The following PDAP1 variants were observed in gnomAD, a reference collection of about 807,000 sequenced individuals.
PDAP1 encodes 28 kDa heat- and acid-stable phosphoprotein.
Under a neutral mutation model 28.0 loss-of-function variants are expected in PDAP1, and 13 were observed. The ratio of observed to expected loss-of-function variants is 0.46; its 90% CI spans 0.30 to 0.74. The LOEUF is 0.74. Ranked by LOEUF, PDAP1 falls within the 30% of genes least tolerant of loss-of-function variation. The pLI is 0.07. For missense variants in PDAP1, 150 were observed against 230.0 expected (o/e 0.65, Z 2.25); for synonymous variants, 77 against 85.1 (o/e 0.91, Z 0.52).
chr7:99,397,983 C>T lies in PDAP1; in HGVS notation c.366G>A (p.Glu122=), dbSNP rs1162294443. The T allele has an allele frequency of 2.5e-6, 4 of 1,614,266 alleles. No individual in the cohort carries two copies. In the African/African-American group the frequency reaches 4.0e-5, roughly 16 times the overall value. Residue 122 remains glutamate (E), a synonymous_variant, in exon 5 of 6, where the codon GAG becomes GAA. Coordinates refer to ENST00000350498, the MANE Select transcript of PDAP1 (RefSeq NM_014891.7). Reference sequence around the variant, plus strand: ...CGGCCAAGTGCATTTTCATGTAACGCTCTTTTGCCTTCTGCTTCTCAATCT... The same window carrying T: ...CGGCCAAGTGCATTTTCATGTAACGTTCTTTTGCCTTCTGCTTCTCAATCT... ...REEIEKQKAK[E]RYMKMHLAGK...
intron 3 of PDAP1, among the ~76,000 whole-genome samples, chr7:99,400,797 G>A (rs143740352): frequency 2.0e-5 from 3 of 152,248 alleles, no homozygotes; most frequent in East Asian, 1.9e-4. Flanking sequence ...TGCAAAAAGC[G>A]CTGGGCTGGA....
Position 99,408,564 on chromosome 7 carries a change from T to TGCGGCG in PDAP1, c.-22_-17dup, listed in dbSNP as rs753335575. 1.1e-4 allele frequency: 133 copies of TGCGGCG among 1,264,602 alleles called. No homozygotes were observed. Among genetic ancestry groups the TGCGGCG allele is most frequent in the Middle Eastern group, 2.1e-4 (1 of 4,782 alleles). The allele number at this position is 1,264,602 out of a possible 1,614,324, so 78.3% of individuals were successfully genotyped here. A position where few individuals can be genotyped will look rare whatever the true frequency, so the allele number is the denominator to read the frequency against. ...CTTTAGGCATTGCGGCTCCGGCGGC[T>TGCGGCG]GCGGCGGCGGCGGCGGCGCCTCGAA... On this transcript the variant is annotated 5_prime_UTR_variant, in exon 1 of 6. Transcript: ENST00000350498.
At position 99,408,558 on chromosome 7, in the gene PDAP1, G is replaced by GGCGGCT. The variant is rs1554353102; in HGVS notation, c.-16_-11dup. The GGCGGCT allele has an allele frequency of 1.6e-6, 2 of 1,273,852 alleles. No homozygotes were observed. The highest frequency in any genetic ancestry group is 2.0e-6 in the Non-Finnish European group (2 of 1,007,872). The allele number at this position is 1,273,852 out of a possible 1,614,324, so 78.9% of individuals were successfully genotyped here. A position where few individuals can be genotyped will look rare whatever the true frequency, so the allele number is the denominator to read the frequency against. On this transcript the variant is annotated 5_prime_UTR_variant, in exon 1 of 6. Transcript: ENST00000350498. ...CACCTCCTTTAGGCATTGCGGCTCC[G>GGCGGCT]GCGGCTGCGGCGGCGGCGGCGGCGC...
chr7:99,402,052 G>A (rs1232551155), intron 3 of PDAP1, among the ~76,000 whole-genome samples: 4 of 151,724 alleles, frequency 2.6e-5, no homozygotes, highest in African/African-American at 4.8e-5. Flanking sequence ...GGCAGATCAC[G>A]AGGTCAGGAG....
intron 1 of PDAP1, among the ~76,000 whole-genome samples, chr7:99,407,557 A>G (rs1408812802): frequency 6.6e-6 from 1 of 152,204 alleles, no homozygotes; most frequent in Non-Finnish European, 1.5e-5. Context: ...AACCAATATA[A>G]CACATGAGCT....
intron 5 of PDAP1, 143 bp downstream of exon 5, chr7:99,397,719 G>A: frequency 2.2e-6 from 2 of 900,586 alleles, no homozygotes; most frequent in South Asian, 1.7e-5. Context: ...CAGGGAGGGT[G>A]GCCCTCTCCT....
chr7:99,400,552 G>T, intron 3 of PDAP1, 128 bp from the exon 4 acceptor site: 1 of 1,029,974 alleles, frequency 9.7e-7, no homozygotes, highest in Non-Finnish European at 1.4e-6. Flanking sequence ...CCCACGTAGT[G>T]CTCAGCCCAA....
At chr7:99,405,963 C>T (rs554726721) in intron 1 of PDAP1, among the ~76,000 whole-genome samples, 9 of 152,276 alleles carry the variant, frequency 5.9e-5, no homozygotes, top group South Asian at 2.1e-4. Flanking sequence ...CAAAAATGTT[C>T]GCTAATATCC....
At position 99,396,337 on chromosome 7, in the gene PDAP1, A is replaced by G. The variant is rs555704892; in HGVS notation, c.*345T>C. 20 of 365,878 alleles carry G rather than the reference A, an allele frequency of 5.5e-5. No homozygotes were observed. The Admixed American group carries it at 7.7e-4, about 14-fold the overall frequency. The allele number at this position is 365,878 out of a possible 1,614,324, so 22.7% of individuals were successfully genotyped here. On this transcript the variant is annotated 3_prime_UTR_variant, in exon 6 of 6. Transcript: ENST00000350498. The stretch of plus-strand genomic sequence containing the variant: ...CCTCCTGGGACAACCACCCCCTTAC[A>G]TGCTATCTATCTACCAGACAAATGA...
chr7:99,398,084 A>G, intron 4 of PDAP1, 71 bp from the exon 5 acceptor site: 1 of 1,573,342 alleles, frequency 6.4e-7, no homozygotes, highest in Non-Finnish European at 8.7e-7. Context: ...GGGAGTCAGA[A>G]TAAAGGCCAA....
Position 99,396,710 on chromosome 7 carries a change from C to A in PDAP1, c.518G>T (p.Arg173Leu). The change falls in exon 6 of 6, where the codon CGA (arginine) becomes CTA (leucine). Residue 173 changes from arginine (R) to leucine (L), a missense_variant. Arg to Leu is a moderately radical substitution (Grantham distance 102). Transcript: ENST00000350498. Reference protein sequence around the residue: ...AKDDATLSGKRMQSLSLNK With the variant: ...AKDDATLSGKLMQSLSLNK ...CTTATTCAGGGAGAGTGACTGCATT[C>A]GTTTTCCTGACAATGTGGCATCGTC... 6.2e-7 allele frequency: 1 copy of A among 1,611,984 alleles called. No individual in the cohort carries two copies. Among genetic ancestry groups the A allele is most frequent in the Non-Finnish European group, 8.5e-7 (1 of 1,179,734 alleles).
chr7:99,403,617 C>A, intron 2 of PDAP1, 112 bp from the exon 3 acceptor site: 1 of 794,544 alleles, frequency 1.3e-6, no homozygotes, highest in East Asian at 2.5e-5. Context: ...CTCTGGAAGG[C>A]TGGAACCAAG....
At chr7:99,407,382 G>C (rs1451098836) in intron 1 of PDAP1, among the ~76,000 whole-genome samples, 1 of 152,164 alleles carries the variant, frequency 6.6e-6, no homozygotes, top group Non-Finnish European at 1.5e-5. Flanking sequence ...ACAGATGAAG[G>C]GACTGGGGAA....
intron 4 of PDAP1, among the ~76,000 whole-genome samples, chr7:99,399,505 T>C (rs984320608): frequency 2.0e-5 from 3 of 152,158 alleles, no homozygotes; most frequent in Non-Finnish European, 2.9e-5. Context: ...CAGCTGCCAA[T>C]GGCAGAATAC....
At chr7:99,404,174 T>C (rs1424826688) in intron 2 of PDAP1, among the ~76,000 whole-genome samples, 1 of 152,170 alleles carries the variant, frequency 6.6e-6, no homozygotes, top group Non-Finnish European at 1.5e-5. Context: ...CACAGCTGGA[T>C]GTGGCCTTTC....
intron 3 of PDAP1, 102 bp downstream of exon 3, chr7:99,403,296 C>T (rs959259833): frequency 6.9e-6 from 5 of 722,724 alleles, no homozygotes; most frequent in Non-Finnish European, 1.3e-5. Context: ...AGAGCAAGGA[C>T]GTTGTCTGCA....
rs772854465 is a variant in PDAP1, at chr7:99,403,493, GCTC to G, written c.115_117del (p.Glu39del). ...GCAGCCCCATCTCCACCTTCTTTTT[GCTC>G]CTCTTCTTCCTGTTTCAGAAATGGA... is the stretch of plus-strand genomic sequence containing the variant. On this transcript the variant is annotated inframe_deletion, in exon 3 of 6. Transcript: ENST00000350498. The G allele has an allele frequency of 1.2e-6, 2 of 1,608,154 alleles. No individual in the cohort carries two copies. The highest frequency in any genetic ancestry group is 1.7e-6 in the Non-Finnish European group (2 of 1,174,836).
chr7:99,396,735 C>T lies in PDAP1; in HGVS notation c.493G>A (p.Asp165Asn). ...CGTTTTCCTGACAATGTGGCATCGT[C>T]TTTTGCTGAGGGGTGGGAGAAGGGC... The part of the protein sequence containing the change: ...RKKEEERKAK[D>N]DATLSGKRMQ... The change falls in exon 6 of 6, where the codon GAC (aspartate) becomes AAC (asparagine). Residue 165 changes from aspartate to asparagine, a missense_variant. Transcript: ENST00000350498. 1 of 1,611,402 alleles carries T rather than the reference C, an allele frequency of 6.2e-7. No individual in the cohort carries two copies.
At chr7:99,400,263 C>T (rs762730325) in intron 4 of PDAP1, 40 bp downstream of exon 4, 14 of 1,610,634 alleles carry the variant, frequency 8.7e-6, no homozygotes, top group Admixed American at 3.3e-5. Flanking sequence ...AACTGCTGGC[C>T]TGTATTCCCC....
Sources: gnomAD v4.1 joint callset for allele counts (sites outside exome capture counted in the v4.1 genomes callset) on GRCh38, gnomAD v4.1.1 for gene constraint, MANE v1.5 for transcripts, NCBI Gene and HGNC (gene_info 2026-07-23, HGNC 2026-07-21) for gene names.